The following TAFA1 variants were observed in gnomAD, a reference collection of about 807,000 sequenced individuals.
The protein encoded by TAFA1 is TAFA chemokine like family member 1.
Under a neutral mutation model 18.5 loss-of-function variants are expected in TAFA1, and 4 were observed. That is an observed-to-expected ratio of 0.22 (90% CI 0.11 to 0.49). TAFA1 has a LOEUF of 0.49. Ranked by LOEUF, TAFA1 falls within the 20% of genes least tolerant of loss-of-function variation. The pLI is 0.98. For synonymous variants in TAFA1, 56 were observed against 55.2 expected (o/e 1.01, Z -0.06); for missense variants, 147 against 169.0 (o/e 0.87, Z 0.72).
At chr3:68,159,689 T>C (rs2065903086) in intron 2 of TAFA1, among the ~76,000 whole-genome samples, 1 of 152,126 alleles carries the variant, frequency 6.6e-6, no homozygotes, top group African/African-American at 2.4e-5. Context: ...AGATAACAGT[T>C]GACTTACAAC....
chr3:68,471,301 C>G (rs1405315232), intron 3 of TAFA1, among the ~76,000 whole-genome samples: 1 of 152,212 alleles, frequency 6.6e-6, no homozygotes, highest in East Asian at 1.9e-4. Flanking sequence ...AGCCCCCACA[C>G]AGAGTCCCCA....
intron 2 of TAFA1, among the ~76,000 whole-genome samples, chr3:68,052,175 T>A (rs548198895): frequency 6.6e-6 from 1 of 152,290 alleles, no homozygotes; most frequent in African/African-American, 2.4e-5. Context: ...CTGGAGTGAT[T>A]GTTAATAGCT....
chr3:68,370,470 G>GTATATATATATATATATATATATATA (rs2069675173), intron 2 of TAFA1, among the ~76,000 whole-genome samples: 2 of 31,162 alleles, frequency 6.4e-5, no homozygotes. Flanking sequence ...GTGTGTGTGT[G>GTATATATATATATATATATATATATA]TGTATATATA....
intron 2 of TAFA1, among the ~76,000 whole-genome samples, chr3:68,111,714 CA>C (rs1469069793): frequency 6.7e-6 from 1 of 149,164 alleles, no homozygotes; most frequent in Admixed American, 6.7e-5. Context: ...AAAATAATTT[CA>C]AAAAGTGTAT....
At chr3:68,155,290 G>T (rs1253780380) in intron 2 of TAFA1, among the ~76,000 whole-genome samples, 2 of 152,126 alleles carry the variant, frequency 1.3e-5, no homozygotes, top group African/African-American at 4.8e-5. Context: ...TCAGTAGAAG[G>T]CTTGCCAACC....
chr3:68,529,436 T>TAAAAAAAAAAAAA (rs533214097), intron 3 of TAFA1, among the ~76,000 whole-genome samples: 1 of 77,070 alleles, frequency 1.3e-5, no homozygotes, highest in African/African-American at 4.5e-5. Flanking sequence ...CACCATTCTC[T>TAAAAAAAAAAAAA]AAAAAAAAAA....
chr3:68,322,421 A>G (rs2068710203), intron 2 of TAFA1, among the ~76,000 whole-genome samples: 1 of 152,188 alleles, frequency 6.6e-6, no homozygotes, highest in Non-Finnish European at 1.5e-5. Context: ...AGAGTCAAGT[A>G]TGTTACTTAA....
intron 2 of TAFA1, among the ~76,000 whole-genome samples, chr3:68,044,981 T>C (rs1705238503): frequency 6.6e-6 from 1 of 152,298 alleles, no homozygotes; most frequent in South Asian, 2.1e-4. Flanking sequence ...AGGGCTTAAA[T>C]AGTAGCATTT....
rs142412676 is a variant in TAFA1 at position 68,335,435 on chromosome 3, CTT to C, written c.119-81842_119-81841del. On this transcript the variant is annotated intron_variant, in intron 2 of 4. Coordinates refer to ENST00000478136, the MANE Select transcript of TAFA1 (RefSeq NM_213609.4). The stretch of plus-strand genomic sequence containing the variant: ...AATGAGTTATCCATACAGAGATCAA[CTT>C]TTCCATACTCATGATTATACACATG... Among the ~76,000 whole-genome samples the C allele has an allele frequency of 0.022, 3,393 of 152,240 alleles. 207 individuals carry two copies. In the East Asian group the frequency reaches 0.26, roughly 12 times the overall value.
chr3:68,135,519 T>C (rs1300265855), intron 2 of TAFA1, among the ~76,000 whole-genome samples: 1 of 152,198 alleles, frequency 6.6e-6, no homozygotes, highest in East Asian at 1.9e-4. Flanking sequence ...TCTAGCACAA[T>C]AGAATTAACT....
intron 2 of TAFA1, among the ~76,000 whole-genome samples, chr3:68,367,746 C>T (rs1451988138): frequency 1.4e-5 from 2 of 146,460 alleles, no homozygotes; most frequent in South Asian, 2.2e-4. Context: ...GCTTGTGTTG[C>T]CTGTTTGTTT....
intron 2 of TAFA1, among the ~76,000 whole-genome samples, chr3:68,156,988 A>T (rs1251876987): frequency 6.6e-6 from 1 of 152,170 alleles, no homozygotes; most frequent in African/African-American, 2.4e-5. Context: ...AGCCCTGGGG[A>T]AAATGTTCTC....
chr3:68,023,931 T>C (rs942396232), intron 2 of TAFA1, among the ~76,000 whole-genome samples: 1 of 152,168 alleles, frequency 6.6e-6, no homozygotes, highest in East Asian at 1.9e-4. Context: ...CTAAGGGTCT[T>C]GCTTGCTTAC....
chr3:67,998,289 T>C, the TAFA1 span, among the ~76,000 whole-genome samples: 1 of 152,232 alleles, frequency 6.6e-6, no homozygotes, highest in Non-Finnish European at 1.5e-5. Context: ...ATCAAAGTCC[T>C]TTAGTCCTAA....
chr3:68,081,915 G>A (rs1029653506), intron 2 of TAFA1, among the ~76,000 whole-genome samples: 28 of 152,288 alleles, frequency 1.8e-4, no homozygotes, highest in Non-Finnish European at 3.2e-4. Flanking sequence ...TCCCAGCCTC[G>A]CTGCCACCTT....
At chr3:68,456,844 A>C (rs534242293) in intron 3 of TAFA1, among the ~76,000 whole-genome samples, 5 of 152,290 alleles carry the variant, frequency 3.3e-5, no homozygotes, top group African/African-American at 9.6e-5. Flanking sequence ...ATGATAGGCA[A>C]CTGCAGCTGC....
intron 3 of TAFA1, among the ~76,000 whole-genome samples, chr3:68,525,550 C>G (rs2073099540): frequency 6.6e-6 from 1 of 152,148 alleles, no homozygotes; most frequent in South Asian, 2.1e-4. Flanking sequence ...GAAAACAAAG[C>G]TGTTGATTGT....
chr3:68,360,662 A>G (rs962276407), intron 2 of TAFA1, among the ~76,000 whole-genome samples: 4 of 151,990 alleles, frequency 2.6e-5, no homozygotes, highest in South Asian at 4.1e-4. Context: ...CTGTCTGTAC[A>G]TGTAAGTATG....
intron 2 of TAFA1, among the ~76,000 whole-genome samples, chr3:68,300,094 C>T (rs2068276657): frequency 6.6e-6 from 1 of 152,166 alleles, no homozygotes; most frequent in African/African-American, 2.4e-5. Context: ...ATCCTCCAGA[C>T]CCCAGAATGG....
Sources: allele counts gnomAD v4.1 joint callset (sites outside exome capture counted in the v4.1 genomes callset), GRCh38; gene constraint gnomAD v4.1.1; transcripts MANE v1.5; gene names NCBI Gene and HGNC (gene_info 2026-07-23, HGNC 2026-07-21).